PID1: variants seen among roughly 807,000 people sequenced by gnomAD.
The protein encoded by PID1 is PTB-containing, cubilin and LRP1-interacting protein.
PID1 carries 10 observed loss-of-function variants against 19.1 expected under a neutral mutation model. The ratio of observed to expected loss-of-function variants is 0.52; its 90% CI spans 0.32 to 0.89. The LOEUF (loss-of-function observed/expected upper bound fraction) is 0.89, where lower values mean the gene tolerates loss of function less well. Ranked by LOEUF, PID1 falls within the 40% of genes least tolerant of loss-of-function variation. The pLI, the probability that PID1 is intolerant of heterozygous loss-of-function variation, is 0.03. For missense variants in PID1, 248 were observed against 285.3 expected, an observed-to-expected ratio of 0.87 and a Z score of 0.94; for synonymous variants, 130 against 116.0, an observed-to-expected ratio of 1.12 and a Z score of -0.78.
intron 2 of PID1, among the ~76,000 whole-genome samples, chr2:229,069,356 C>T (rs930325655): frequency 2.0e-5 from 3 of 151,956 alleles, no homozygotes; most frequent in East Asian, 1.9e-4. Flanking sequence ...GGGAGAGAGG[C>T]GCCAGGCACA....
chr2:229,154,713 G>A (rs755134139), intron 2 of PID1, among the ~76,000 whole-genome samples: 1 of 152,126 alleles, frequency 6.6e-6, no homozygotes, highest in Non-Finnish European at 1.5e-5. Flanking sequence ...AAAGCAATAA[G>A]GAAAGCATCA....
chr2:229,071,628 G>A (rs563308734), intron 2 of PID1, among the ~76,000 whole-genome samples: 56 of 152,264 alleles, frequency 3.7e-4, no homozygotes, highest in African/African-American at 1.2e-3. Context: ...ATTCATGCAC[G>A]CTAAGTTCTA....
intron 1 of PID1, among the ~76,000 whole-genome samples, chr2:229,185,289 A>G (rs1243530564): frequency 1.3e-5 from 2 of 151,864 alleles, no homozygotes; most frequent in Non-Finnish European, 2.9e-5. Context: ...TCTGTCCGCC[A>G]AGACTCCATC....
chr2:229,110,155 C>T (rs1695268116), intron 2 of PID1, among the ~76,000 whole-genome samples: 1 of 152,144 alleles, frequency 6.6e-6, no homozygotes, highest in African/African-American at 2.4e-5. Flanking sequence ...GTTAACAAGA[C>T]CTCTAGGTTT....
At chr2:229,183,898 ATATATATATATATCCCC>A (rs1691004918) in intron 1 of PID1, among the ~76,000 whole-genome samples, 1 of 2,026 alleles carries the variant, frequency 4.9e-4, no homozygotes, top group African/African-American at 7.0e-3. Flanking sequence ...ATATATATAT[ATATATATATATATCCCC>A]TATATATATC....
Position 229,025,770 on chromosome 2 carries a change from C to T in PID1, c.516G>A (p.Lys172=). 1 of 1,614,246 alleles carries T rather than the reference C, an allele frequency of 6.2e-7. No homozygotes were observed. Among genetic ancestry groups the T allele is most frequent in the Non-Finnish European group, 8.5e-7 (1 of 1,180,042 alleles). Residue 172 remains lysine (K), a synonymous_variant, in exon 3 of 3, where the codon AAG becomes AAA. Transcript: ENST00000392055. ...MDCHAVECES[K]LEAKKLAHAM... is the part of the protein sequence containing the mutation. ...CGTGGGCCAGTTTCTTGGCCTCGAGCTTGCTCTCGCACTCCACGGCGTGGC... is the reference window on the plus strand; with the variant it reads ...CGTGGGCCAGTTTCTTGGCCTCGAGTTTGCTCTCGCACTCCACGGCGTGGC...
intron 1 of PID1, among the ~76,000 whole-genome samples, chr2:229,185,796 A>G (rs1430140677): frequency 6.6e-6 from 1 of 152,146 alleles, no homozygotes; most frequent in Non-Finnish European, 1.5e-5. Context: ...GACATAGCCA[A>G]ATCATATCAT....
chr2:229,223,036 C>T (rs982320438), intron 1 of PID1, among the ~76,000 whole-genome samples: 14 of 152,108 alleles, frequency 9.2e-5, no homozygotes, highest in Non-Finnish European at 1.5e-4. Flanking sequence ...TTAACTTTTT[C>T]CTACACATGG....
chr2:229,271,193 G>C lies in PID1; in HGVS notation c.-150C>G, dbSNP rs1299082304. On this transcript the variant is annotated 5_prime_UTR_variant, in exon 1 of 3. Coordinates refer to ENST00000392055, the MANE Select transcript of PID1 (RefSeq NM_001100818.2). ...GCCACCGCCGCCGGGTGGGCGTAGGGGGCTGCGAGCAGGAGGAGGCGCGGC... is the reference window on the plus strand; with the variant it reads ...GCCACCGCCGCCGGGTGGGCGTAGGCGGCTGCGAGCAGGAGGAGGCGCGGC... The C allele has an allele frequency of 3.8e-6, 3 of 783,700 alleles. No homozygotes were observed. Among genetic ancestry groups the C allele is most frequent in the African/African-American group, 3.7e-5 (2 of 54,402 alleles). 48.5% of individuals were successfully genotyped at this position (783,700 alleles called of 1,614,324 possible).
intron 1 of PID1, among the ~76,000 whole-genome samples, chr2:229,201,594 C>A (rs1431830975): frequency 6.6e-6 from 1 of 152,026 alleles, no homozygotes; most frequent in East Asian, 1.9e-4. Flanking sequence ...CACGGGTATA[C>A]AAGTATTTCT....
At chr2:229,139,020 A>C (rs563889216) in intron 2 of PID1, among the ~76,000 whole-genome samples, 2 of 88,222 alleles carry the variant, frequency 2.3e-5, no homozygotes, top group African/African-American at 8.3e-5. Flanking sequence ...AGAAAGAAAG[A>C]AAGAAAGAAA....
At chr2:229,170,156 C>A (rs897778528) in intron 1 of PID1, among the ~76,000 whole-genome samples, 3 of 152,090 alleles carry the variant, frequency 2.0e-5, no homozygotes, top group African/African-American at 7.2e-5. Flanking sequence ...GCTTTGGTTG[C>A]CAATAATACA....
At chr2:229,190,688 C>A (rs989292406) in intron 1 of PID1, among the ~76,000 whole-genome samples, 5 of 152,222 alleles carry the variant, frequency 3.3e-5, no homozygotes, top group African/African-American at 1.2e-4. Flanking sequence ...CATTTTGCTT[C>A]CAAGCATCAT....
At chr2:229,081,303 G>A (rs1454688755) in intron 2 of PID1, among the ~76,000 whole-genome samples, 1 of 152,184 alleles carries the variant, frequency 6.6e-6, no homozygotes, top group Non-Finnish European at 1.5e-5. Context: ...TGATTACTAT[G>A]CTTAAGAAGC....
intron 1 of PID1, among the ~76,000 whole-genome samples, chr2:229,205,574 C>T (rs1691592657): frequency 6.6e-6 from 1 of 151,972 alleles, no homozygotes; most frequent in Non-Finnish European, 1.5e-5. Context: ...ACACACAAAA[C>T]CCAAATTATA....
chr2:229,151,839 G>A (rs958928765), intron 2 of PID1, among the ~76,000 whole-genome samples: 5 of 152,024 alleles, frequency 3.3e-5, no homozygotes, highest in African/African-American at 9.7e-5. Flanking sequence ...CAAAGTGCTG[G>A]GATTACAGGC....
intron 2 of PID1, among the ~76,000 whole-genome samples, chr2:229,035,393 A>G (rs2106168955): frequency 6.6e-6 from 1 of 152,080 alleles, no homozygotes; most frequent in African/African-American, 2.4e-5. Context: ...AGCCCCTACA[A>G]TGATGTGAGT....
At chr2:229,074,872 C>T (rs542103859) in intron 2 of PID1, among the ~76,000 whole-genome samples, 19 of 152,166 alleles carry the variant, frequency 1.2e-4, no homozygotes, top group Admixed American at 8.5e-4. Flanking sequence ...TTTAAAAATG[C>T]GGGGACAAAA....
intron 2 of PID1, among the ~76,000 whole-genome samples, chr2:229,083,849 G>A (rs1309273146): frequency 6.6e-6 from 1 of 152,190 alleles, no homozygotes; most frequent in African/African-American, 2.4e-5. Context: ...CGCCACAAGA[G>A]AGCTGCCACA....
Sources: allele counts gnomAD v4.1 joint callset (sites outside exome capture counted in the v4.1 genomes callset), GRCh38; gene constraint gnomAD v4.1.1; transcripts MANE v1.5; gene names NCBI Gene and HGNC (gene_info 2026-07-23, HGNC 2026-07-21).